GLS: variants seen among roughly 807,000 people sequenced by gnomAD.
GLS encodes the protein glutaminase.
A neutral mutation model predicts 86.7 loss-of-function variants in GLS; 36 were observed. The observed-to-expected ratio is 0.42, with a 90% CI of 0.32 to 0.55. The LOEUF is 0.55. Among genes scored for constraint, GLS ranks in the 20% least tolerant of loss-of-function variants. GLS has a pLI of 0.17. For missense variants in GLS, 528 were observed against 833.4 expected (o/e 0.63, Z 4.51); for synonymous variants, 317 against 305.9 (o/e 1.04, Z -0.38).
rs1251863058 is a variant in GLS, at chr2:190,920,243, G to A, written c.1039-781G>A. 1 of 151,738 alleles carries A rather than the reference G, an allele frequency of 6.6e-6. No individual in the cohort carries two copies. Among genetic ancestry groups the A allele is most frequent in the African/African-American group, 2.4e-5 (1 of 41,374 alleles). The allele number at this position is 151,738 out of a possible 1,614,324, so 9.4% of individuals were successfully genotyped here. A position where few individuals can be genotyped will look rare whatever the true frequency, so the allele number is the denominator to read the frequency against. On this transcript the variant is annotated intron_variant, in intron 7 of 17. Coordinates refer to ENST00000320717, the MANE Select transcript of GLS (RefSeq NM_014905.5). The surrounding 1 kb of genome is among the most constrained non-coding windows in gnomAD (Gnocchi z 4.2). ...TACAACTTACTGCTTTGTAAACTTCGCCGAGGTAAAATGAAACCATTTGGC... is the reference window on the plus strand; with the variant it reads ...TACAACTTACTGCTTTGTAAACTTCACCGAGGTAAAATGAAACCATTTGGC...
At chr2:190,916,959 G>A (rs1036063441) in intron 7 of GLS, among the ~76,000 whole-genome samples, 1 of 152,218 alleles carries the variant, frequency 6.6e-6, no homozygotes. Context: ...GGAAGGTCTT[G>A]TCTTGATGTT....
intron 1 of GLS, among the ~76,000 whole-genome samples, chr2:190,887,976 A>G (rs1166447675): frequency 1.3e-5 from 2 of 152,210 alleles, no homozygotes; most frequent in African/African-American, 4.8e-5. Flanking sequence ...AAAAAGTAAT[A>G]GAAGGAAATA....
rs1357509171 is a variant in GLS at position 190,935,726 on chromosome 2, CA to C, written c.1650+4092del. ...AATAATAGGAAAAACATTGCTAAAC[CA>C]AATGAAGAGTATCATCATATTGCTT... On this transcript the variant is annotated intron_variant, in intron 14 of 17. Transcript: ENST00000320717. The surrounding 1 kb of genome is among the most constrained non-coding windows in gnomAD (Gnocchi z 4.2). Among the ~76,000 whole-genome samples the C allele has an allele frequency of 6.6e-6, 1 of 151,078 alleles. No homozygotes were observed. Among genetic ancestry groups the C allele is most frequent in the Admixed American group, 6.6e-5 (1 of 15,190 alleles).
At chr2:190,928,836 C>G (rs1689992397) in intron 12 of GLS, among the ~76,000 whole-genome samples, 1 of 140,414 alleles carries the variant, frequency 7.1e-6, no homozygotes, top group Non-Finnish European at 1.5e-5. Flanking sequence ...TTGCTGATTA[C>G]CTCTGTTCCA....
At chr2:190,917,582 G>GAAT (rs1030547145) in intron 7 of GLS, among the ~76,000 whole-genome samples, 83 of 152,258 alleles carry the variant, frequency 5.5e-4, no homozygotes, top group African/African-American at 1.9e-3. Context: ...AGATCCATTA[G>GAAT]ACAAATCACT....
intron 3 of GLS, chr2:190,896,292 T>G (rs927138761): frequency 1.3e-5 from 2 of 152,332 alleles, no homozygotes; most frequent in East Asian, 3.9e-4. Context: ...AATGAGAATT[T>G]TTACTTTGAT....
intron 14 of GLS, among the ~76,000 whole-genome samples, chr2:190,936,443 C>T (rs1243957213): frequency 6.6e-6 from 1 of 151,154 alleles, no homozygotes; most frequent in Non-Finnish European, 1.5e-5. Context: ...GTTCTTTTCA[C>T]ATTGTGTACT....
At chr2:190,892,351 C>A (rs114526990) in intron 1 of GLS, among the ~76,000 whole-genome samples, 2 of 152,134 alleles carry the variant, frequency 1.3e-5, no homozygotes, top group Non-Finnish European at 2.9e-5. Flanking sequence ...CTGTTATATC[C>A]TATTTGAATT....
chr2:190,881,016 C>A lies in GLS; in HGVS notation c.-69C>A, dbSNP rs959816336. On this transcript the variant is annotated 5_prime_UTR_variant, in exon 1 of 18. Transcript: ENST00000320717. ...ACCGCCCCACCACAGACCGCGTTCC[C>A]CGAGGAAACCGGCCGCCCACGCCCG... 20 of 1,495,862 alleles carry A rather than the reference C, an allele frequency of 1.3e-5. No individual in the cohort carries two copies. The highest frequency in any genetic ancestry group is 1.6e-5 in the Non-Finnish European group (18 of 1,118,780). The allele number at this position is 1,495,862 out of a possible 1,614,324, so 92.7% of individuals were successfully genotyped here.
intron 1 of GLS, among the ~76,000 whole-genome samples, chr2:190,883,095 C>CT (rs945804744): frequency 1.3e-4 from 19 of 151,948 alleles, no homozygotes; most frequent in Non-Finnish European, 2.5e-4. Context: ...TAGTGCCTCT[C>CT]TTTTTTTTCC....
chr2:190,961,367 T>C (rs1574626542), intron 17 of GLS, among the ~76,000 whole-genome samples: 1 of 152,170 alleles, frequency 6.6e-6, no homozygotes, highest in East Asian at 1.9e-4. Flanking sequence ...CCAGCTAATT[T>C]TTGTATTTTT....
Position 190,953,646 on chromosome 2 carries a change from T to C in GLS, c.1712+20T>C, listed in dbSNP as rs535816473. On this transcript the variant is annotated intron_variant, in intron 15 of 17. Coordinates refer to ENST00000320717, the MANE Select transcript of GLS (RefSeq NM_014905.5). The surrounding 1 kb of genome is among the most constrained non-coding windows in gnomAD (Gnocchi z 4.0). The stretch of plus-strand genomic sequence containing the variant: ...TCGAAGGTATGTTTACAGGATGGAT[T>C]AGCATGCACTTTACAGATATTTATG... 15 of 1,509,982 alleles carry C rather than the reference T, an allele frequency of 9.9e-6. No individual in the cohort carries two copies. The highest frequency in any genetic ancestry group is 1.4e-5 in the Non-Finnish European group (15 of 1,085,510). The allele number at this position is 1,509,982 out of a possible 1,614,324, so 93.5% of individuals were successfully genotyped here.
At chr2:190,881,636 C>A in intron 1 of GLS, 166 bp downstream of exon 1, 2 of 609,324 alleles carry the variant, frequency 3.3e-6, no homozygotes, top group Non-Finnish European at 5.2e-6. Context: ...AGGCCCGGCC[C>A]CGCCCGCGCC....
At chr2:190,927,655 A>G in intron 12 of GLS, 173 bp downstream of exon 12, 1 of 520,472 alleles carries the variant, frequency 1.9e-6, no homozygotes, top group Non-Finnish European at 3.4e-6. Flanking sequence ...AAGGTCTACC[A>G]GATGTTCTTA....
In GLS at chr2:190,955,287, C is replaced by T. The variant is rs1421923804; in HGVS notation, c.1853+469C>T. On this transcript the variant is annotated intron_variant, in intron 17 of 17. Coordinates refer to ENST00000320717, the MANE Select transcript of GLS (RefSeq NM_014905.5). This position sits in a 1 kb window ranked among gnomAD's most constrained non-coding sequence, Gnocchi z 5.6. Reference sequence around the variant, plus strand: ...TAATGCGATCCCTCCCTTACCCTGACCCCCAAACAGGCCCTGGTGTGTGAT... The same window carrying T: ...TAATGCGATCCCTCCCTTACCCTGATCCCCAAACAGGCCCTGGTGTGTGAT... Among the ~76,000 whole-genome samples the T allele has an allele frequency of 2.6e-5, 4 of 151,466 alleles. No homozygotes were observed. The highest frequency in any genetic ancestry group is 7.3e-5 in the African/African-American group (3 of 41,376).
chr2:190,890,543 G>T (rs1688527012), intron 1 of GLS, among the ~76,000 whole-genome samples: 1 of 152,190 alleles, frequency 6.6e-6, no homozygotes, highest in Non-Finnish European at 1.5e-5. Context: ...TTGTCAATTT[G>T]TTAGACTTAA....
At position 190,954,767 on chromosome 2, in the gene GLS, T is replaced by A; in HGVS notation, c.1802T>A (p.Val601Asp). The part of the protein sequence containing the change: ...HVAAAEGHVE[V>D]VKFLLEACKV... ...TGGGACGGTATAGGTCATGTTGAAG[T>A]TGTTAAATTTTTGCTGGAAGCCTGC... The change falls in exon 17 of 18, where the codon GTT becomes GAT. Residue 601 changes from valine (V) to aspartate (D), a missense_variant. By Grantham distance (152) the Val-to-Asp change is radical. Transcript: ENST00000320717. The surrounding 1 kb of genome is among the most constrained non-coding windows in gnomAD (Gnocchi z 4.0). The A allele has an allele frequency of 6.2e-7, 1 of 1,613,798 alleles. No individual in the cohort carries two copies. Among genetic ancestry groups the A allele is most frequent in the Non-Finnish European group, 8.5e-7 (1 of 1,179,856 alleles).
In GLS at chr2:190,952,040, A is replaced by G. The variant is rs180972277; in HGVS notation, c.1651-1525A>G. On this transcript the variant is annotated intron_variant, in intron 14 of 17. Transcript: ENST00000320717. Reference sequence around the variant, plus strand: ...GCCAACATAGTGAGACCCCATCTCTATAAAAAACAACAAACTCTATGCATT... The same window carrying G: ...GCCAACATAGTGAGACCCCATCTCTGTAAAAAACAACAAACTCTATGCATT... Among the ~76,000 whole-genome samples, 265 of 152,356 alleles carry G rather than the reference A, an allele frequency of 1.7e-3. 2 individuals carry two copies. Among genetic ancestry groups the G allele is most frequent in the South Asian group, 0.014 (67 of 4,826 alleles).
chr2:190,927,674 G>T (rs548536780), intron 12 of GLS, 192 bp downstream of exon 12: 1 of 480,310 alleles, frequency 2.1e-6, no homozygotes, highest in Non-Finnish European at 3.7e-6. Context: ...TAAGAACTTG[G>T]AAGTTTGATT....
Sources: allele counts gnomAD v4.1 joint callset (sites outside exome capture counted in the v4.1 genomes callset), GRCh38; gene constraint gnomAD v4.1.1; non-coding constraint Gnocchi (gnomAD v3.1); transcripts MANE v1.5; gene names NCBI Gene and HGNC (gene_info 2026-07-23, HGNC 2026-07-21).